CD163L1: variants seen among roughly 807,000 people sequenced by gnomAD.
CD163L1 encodes the protein scavenger receptor cysteine-rich type 1 protein M160.
CD163L1 carries 124 observed loss-of-function variants against 165.4 expected under a neutral mutation model. That is an observed-to-expected ratio of 0.75 (90% CI 0.65 to 0.87). The LOEUF (loss-of-function observed/expected upper bound fraction) is 0.87, where lower values mean the gene tolerates loss of function less well. Among genes scored for constraint, CD163L1 ranks in the 40% least tolerant of loss-of-function variants. The pLI is 0.00. For missense variants in CD163L1, 1,525 were observed against 1,799.9 expected (o/e 0.85, Z 2.76); for synonymous variants, 585 against 662.2 (o/e 0.88, Z 1.79).
rs753022176 is a variant in CD163L1 at position 7,441,158 on chromosome 12, A to G, written c.120T>C (p.Ser40=). 13 of 1,612,622 alleles carry G rather than the reference A, an allele frequency of 8.1e-6. No homozygotes were observed. The highest frequency in any genetic ancestry group is 9.3e-6 in the Non-Finnish European group (11 of 1,178,786). Residue 40 remains serine (S), a synonymous_variant, in exon 2 of 20, where the codon AGT becomes AGC. Transcript: ENST00000313599. ...TTATCATCCATCAGAACTCACTAAA[A>G]CTGCTGATGAGAAAGCAGGAATTCA... ...LLLNSCFLIS[S]FNGTDLELRL...
chr12:7,322,214 T>C, the CD163L1 span, among the ~76,000 whole-genome samples: 2 of 152,148 alleles, frequency 1.3e-5, no homozygotes, highest in Non-Finnish European at 2.9e-5. Flanking sequence ...TGTCAGGAAT[T>C]TTCGTTATAA....
At chr12:7,389,101 C>T (rs1947587465) in intron 8 of CD163L1, among the ~76,000 whole-genome samples, 1 of 152,120 alleles carries the variant, frequency 6.6e-6, no homozygotes, top group Admixed American at 6.5e-5. Context: ...CATTGATTTC[C>T]TTTTTGGGGG....
chr12:7,403,203 A>G (rs1947947440), intron 6 of CD163L1, among the ~76,000 whole-genome samples: 2 of 152,158 alleles, frequency 1.3e-5, no homozygotes, highest in Non-Finnish European at 2.9e-5. Context: ...TTAAATAAAA[A>G]AAGTTAAAAA....
chr12:7,399,529 CTCTTTCTT>C (rs769107477), intron 6 of CD163L1, among the ~76,000 whole-genome samples: 4 of 14,476 alleles, frequency 2.8e-4, no homozygotes, highest in East Asian at 2.9e-3. Context: ...CTCTTTCTTT[CTCTTTCTT>C]TCTTTCTTTC....
chr12:7,322,012 C>T, the CD163L1 span, among the ~76,000 whole-genome samples: 2 of 152,138 alleles, frequency 1.3e-5, no homozygotes, highest in African/African-American at 2.4e-5. Context: ...CCTCAATGTC[C>T]TCATGTGTAA....
intron 2 of CD163L1, chr12:7,438,996 T>A (rs1232562301): frequency 6.2e-7 from 1 of 1,603,798 alleles, no homozygotes; most frequent in African/African-American, 1.4e-5. Flanking sequence ...TTTCTCGGGG[T>A]CTTCTTTTTC....
rs1947774108 is a variant in CD163L1, at chr12:7,396,336, C to CCGTCCTTGAAAGTACA, written c.1793_1808dup (p.Trp604ValfsTer11). 1 of 1,614,046 alleles carries CCGTCCTTGAAAGTACA rather than the reference C, an allele frequency of 6.2e-7. No individual in the cohort carries two copies. Among genetic ancestry groups the CCGTCCTTGAAAGTACA allele is most frequent in the African/African-American group, 1.3e-5 (1 of 74,946 alleles). ...AGCCGTCATCACACACTGTGCCCCA[C>CCGTCCTTGAAAGTACA]CGTCCTTGAAAGTACACCTCCAGTC... On this transcript the variant is annotated frameshift_variant, in exon 8 of 20. Transcript: ENST00000313599. LOFTEE classifies it high-confidence loss of function.
intron 8 of CD163L1, among the ~76,000 whole-genome samples, chr12:7,392,033 A>G (rs1284529803): frequency 6.6e-6 from 1 of 152,224 alleles, no homozygotes; most frequent in African/African-American, 2.4e-5. Context: ...AAAGTTAACA[A>G]GGATATCCAG....
the CD163L1 span, among the ~76,000 whole-genome samples, chr12:7,327,994 G>A: frequency 6.6e-6 from 1 of 152,140 alleles, no homozygotes; most frequent in Non-Finnish European, 1.5e-5. Context: ...CTCGGGAACA[G>A]TAGAAGCCTA....
At chr12:7,331,243 C>T in the CD163L1 span, among the ~76,000 whole-genome samples, 4 of 152,368 alleles carry the variant, frequency 2.6e-5, no homozygotes, top group East Asian at 1.9e-4. Context: ...GGAGGAGGGG[C>T]GCCTGCCATT....
chr12:7,439,222 G>A (rs1948781175), intron 2 of CD163L1: 6 of 1,578,906 alleles, frequency 3.8e-6, no homozygotes, highest in Non-Finnish European at 5.2e-6. Context: ...CCTGGGATTC[G>A]ACAAATTTTC....
intron 4 of CD163L1, among the ~76,000 whole-genome samples, chr12:7,424,947 G>A (rs991509794): frequency 6.6e-6 from 1 of 152,062 alleles, no homozygotes; most frequent in African/African-American, 2.4e-5. Context: ...TTCCTATCAA[G>A]CTACCATTGA....
Position 7,421,517 on chromosome 12 carries a change from A to G in CD163L1, c.766+10899T>C, listed in dbSNP as rs369718580. On this transcript the variant is annotated intron_variant, in intron 4 of 19. Coordinates refer to ENST00000313599, the MANE Select transcript of CD163L1 (RefSeq NM_174941.6). The stretch of plus-strand genomic sequence containing the variant: ...CATATATGTACATATACATATACAT[A>G]TATGTACATATATACATATACGTAC... Among the ~76,000 whole-genome samples the G allele has an allele frequency of 5.1e-4, 66 of 130,622 alleles. 2 individuals are homozygous for G. Among genetic ancestry groups the G allele is most frequent in the African/African-American group, 1.8e-3 (56 of 31,462 alleles). The allele number at this position is 130,622 out of a possible 152,430, so 85.7% of individuals were successfully genotyped here. A position where few individuals can be genotyped will look rare whatever the true frequency, so the allele number is the denominator to read the frequency against.
chr12:7,434,684 G>T (rs1948691535), intron 2 of CD163L1, among the ~76,000 whole-genome samples: 1 of 150,916 alleles, frequency 6.6e-6, no homozygotes, highest in African/African-American at 2.5e-5. Flanking sequence ...GAAAGAAAAA[G>T]AAGGAGAGAG....
At chr12:7,418,018 AG>A (rs930237363) in intron 4 of CD163L1, among the ~76,000 whole-genome samples, 2 of 152,038 alleles carry the variant, frequency 1.3e-5, no homozygotes, top group Non-Finnish European at 2.9e-5. Flanking sequence ...GGCAAATAAG[AG>A]GCAGAACAAA....
downstream of CD163L1, among the ~76,000 whole-genome samples, chr12:7,344,198 A>G (rs756643067): frequency 1.3e-5 from 2 of 151,562 alleles, no homozygotes; most frequent in South Asian, 4.2e-4. Flanking sequence ...CTCTTACCTC[A>G]GCCTCCCTAG....
chr12:7,327,136 AC>A, the CD163L1 span: 16 of 1,550,204 alleles, frequency 1.0e-5, no homozygotes, highest in Non-Finnish European at 1.4e-5. Flanking sequence ...ATGTTACCAA[AC>A]TAGGGTCTAA....
At position 7,400,951 on chromosome 12, in the gene CD163L1, A is replaced by C. The variant is rs145786384; in HGVS notation, c.1409-2367T>G. On this transcript the variant is annotated intron_variant, in intron 6 of 19. Coordinates refer to ENST00000313599, the MANE Select transcript of CD163L1 (RefSeq NM_174941.6). This position sits in a 1 kb window ranked among gnomAD's most constrained non-coding sequence, Gnocchi z 4.1. The stretch of plus-strand genomic sequence containing the variant: ...TGAAGACAAAGACATCACACAGCAG[A>C]AAAATGGCCAAAGAAGCAGAAATGC... 7.9e-3 allele frequency among the ~76,000 whole-genome samples: 1,201 copies of C among 152,272 alleles called. 13 individuals carry two copies. The highest frequency in any genetic ancestry group is 0.027 in the African/African-American group (1,131 of 41,570).
the CD163L1 span, among the ~76,000 whole-genome samples, chr12:7,336,608 T>C: frequency 1.3e-5 from 2 of 152,042 alleles, no homozygotes; most frequent in South Asian, 2.1e-4. Flanking sequence ...TGTATACATA[T>C]GTAACTAACC....
Sources: gnomAD v4.1 joint callset for allele counts (sites outside exome capture counted in the v4.1 genomes callset) on GRCh38, gnomAD v4.1.1 for gene constraint, Gnocchi (gnomAD v3.1) non-coding constraint, MANE v1.5 for transcripts, NCBI Gene and HGNC (gene_info 2026-07-23, HGNC 2026-07-21) for gene names.